RABGAP1: variants seen among roughly 807,000 people sequenced by gnomAD.
RABGAP1 encodes rab GTPase-activating protein 1.
A neutral mutation model predicts 137.6 loss-of-function variants in RABGAP1; 23 were observed. That is an observed-to-expected ratio of 0.17 (90% CI 0.12 to 0.24). The LOEUF (loss-of-function observed/expected upper bound fraction) is 0.24, where lower values mean the gene tolerates loss of function less well. Ranked by LOEUF, RABGAP1 falls within the 10% of genes least tolerant of loss-of-function variation. The probability of loss-of-function intolerance (pLI) is 1.00; values close to 1 mark genes in which losing one functional copy is unlikely to be tolerated. For synonymous variants in RABGAP1, 451 were observed against 450.7 expected (o/e 1.00, Z -0.01); for missense variants, 906 against 1,275.8 (o/e 0.71, Z 4.42).
chr9:123,056,929 C>A (rs2033727582), intron 13 of RABGAP1, among the ~76,000 whole-genome samples: 1 of 152,230 alleles, frequency 6.6e-6, no homozygotes, highest in African/African-American at 2.4e-5. Context: ...CCCACCTTTC[C>A]CCCTTTTCTA....
rs538919187 is a variant in RABGAP1, at chr9:122,984,669, T to C, written c.335T>C (p.Val112Ala). 1 of 1,614,176 alleles carries C rather than the reference T, an allele frequency of 6.2e-7. No individual in the cohort carries two copies. Among genetic ancestry groups the C allele is most frequent in the Admixed American group, 1.7e-5 (1 of 60,026 alleles). ...TCCACCATTAACCCTGTGCCATTAGTAGGGCTCCAAAAACCAGAGATGAGC... is the reference window on the plus strand; with the variant it reads ...TCCACCATTAACCCTGTGCCATTAGCAGGGCTCCAAAAACCAGAGATGAGC... ...ASSTINPVPL[V>A]GLQKPEMSLP... Residue 112 changes from valine (V) to alanine (A), a missense_variant, in exon 3 of 26, where the codon GTA becomes GCA. Transcript: ENST00000373647.
intron 13 of RABGAP1, chr9:123,034,591 C>A: frequency 6.2e-7 from 1 of 1,608,132 alleles, no homozygotes; most frequent in Non-Finnish European, 8.5e-7. Context: ...GGATGGTAAT[C>A]AGAGCAGCCA....
At chr9:123,074,192 T>A in intron 16 of RABGAP1, 93 bp from the exon 17 acceptor site, 1 of 1,465,566 alleles carries the variant, frequency 6.8e-7, no homozygotes, top group Non-Finnish European at 9.3e-7. Flanking sequence ...AGTATTTTAC[T>A]TTTTTGGCCT....
At chr9:123,051,049 A>G (rs2132059503) in intron 13 of RABGAP1, among the ~76,000 whole-genome samples, 1 of 151,794 alleles carries the variant, frequency 6.6e-6, no homozygotes, top group African/African-American at 2.4e-5. Context: ...ATCTAAAAAT[A>G]TATCTATCTG....
At chr9:122,989,026 A>G (rs759274205) in intron 4 of RABGAP1, among the ~76,000 whole-genome samples, 6 of 151,652 alleles carry the variant, frequency 4.0e-5, no homozygotes, top group Non-Finnish European at 7.4e-5. Flanking sequence ...TTTGTAGCAG[A>G]CTGTATAAGA....
Position 123,055,711 on chromosome 9 carries a change from G to T in RABGAP1, c.1795-9637G>T, listed in dbSNP as rs144459762. 4.7e-3 allele frequency among the ~76,000 whole-genome samples: 706 copies of T among 151,724 alleles called. 4 individuals carry two copies. Among genetic ancestry groups the T allele is most frequent in the Non-Finnish European group, 6.7e-3 (457 of 67,906 alleles). On this transcript the variant is annotated intron_variant, in intron 13 of 25. Coordinates refer to ENST00000373647, the MANE Select transcript of RABGAP1 (RefSeq NM_012197.4). Reference sequence around the variant, plus strand: ...ATTACAGGCTCCTGCCATCACGCCTGGCTAATTTTTGTATTTTTAGTAGAG... The same window carrying T: ...ATTACAGGCTCCTGCCATCACGCCTTGCTAATTTTTGTATTTTTAGTAGAG...
chr9:123,089,886 C>T (rs768264986), intron 20 of RABGAP1, 36 bp downstream of exon 20: 2 of 1,542,956 alleles, frequency 1.3e-6, no homozygotes, highest in South Asian at 2.3e-5. Context: ...GAGGAGCTCC[C>T]ATGCTTTCAT....
intron 2 of RABGAP1, among the ~76,000 whole-genome samples, chr9:122,980,769 C>T (rs552786184): frequency 6.6e-6 from 1 of 152,246 alleles, no homozygotes; most frequent in South Asian, 2.1e-4. Flanking sequence ...TGTATAAGTT[C>T]CTAGCCCAGT....
At chr9:123,041,205 C>T (rs1445806360) in intron 13 of RABGAP1, among the ~76,000 whole-genome samples, 1 of 152,084 alleles carries the variant, frequency 6.6e-6, no homozygotes, top group Admixed American at 6.5e-5. Context: ...GTTATTAACC[C>T]CATTATACAG....
intron 13 of RABGAP1, among the ~76,000 whole-genome samples, chr9:123,024,906 T>A (rs957948372): frequency 2.0e-5 from 3 of 152,232 alleles, no homozygotes; most frequent in Non-Finnish European, 4.4e-5. Flanking sequence ...TATAAATATA[T>A]TTTTTAATGA....
At chr9:123,072,812 A>G (rs771166368) in intron 15 of RABGAP1, among the ~76,000 whole-genome samples, 1 of 152,186 alleles carries the variant, frequency 6.6e-6, no homozygotes, top group Non-Finnish European at 1.5e-5. Flanking sequence ...GTTCCATAGA[A>G]GCCTGCCCAC....
chr9:122,996,558 A>G lies in RABGAP1; in HGVS notation c.1054A>G (p.Ser352Gly), dbSNP rs749802603. 3.7e-6 allele frequency: 6 copies of G among 1,608,910 alleles called. No homozygotes were observed. In the East Asian group the frequency reaches 1.3e-4, roughly 36 times the overall value. The change falls in exon 8 of 26, where the codon AGT (serine) becomes GGT (glycine). Residue 352 changes from serine (S) to glycine (G), a missense_variant. Ser to Gly is a moderately conservative substitution (Grantham distance 56). This residue lies in a region of RABGAP1 where 212 missense variants were observed against 289.4 expected (regional missense o/e 0.73). Transcript: ENST00000373647. ...TTGTAGGTGTTTTGGTCTTCTCCTT[A>G]GTCCAGGAAAAGATGTACGAAATAG... ...AIERCFGLLL[S>G]PGKDVRNSDM...
chr9:123,053,779 T>G (rs2033586151), intron 13 of RABGAP1, among the ~76,000 whole-genome samples: 1 of 152,220 alleles, frequency 6.6e-6, no homozygotes, highest in African/African-American at 2.4e-5. Flanking sequence ...GAAATAATAA[T>G]TTTCCCTATG....
intron 21 of RABGAP1, among the ~76,000 whole-genome samples, chr9:123,096,339 A>G (rs1418315396): frequency 6.7e-6 from 1 of 149,000 alleles, no homozygotes; most frequent in East Asian, 2.1e-4. Context: ...AACAGATGGA[A>G]AAAGATGTAC....
intron 1 of RABGAP1, among the ~76,000 whole-genome samples, chr9:122,955,765 GT>G (rs1834485175): frequency 6.6e-6 from 1 of 152,142 alleles, no homozygotes; most frequent in South Asian, 2.1e-4. Context: ...GGGGAAAATT[GT>G]GTTTGACACA....
chr9:122,966,455 G>A (rs1022540594), intron 2 of RABGAP1, among the ~76,000 whole-genome samples: 9 of 152,008 alleles, frequency 5.9e-5, no homozygotes, highest in African/African-American at 1.9e-4. Context: ...CCCGGGAGGC[G>A]GAGGTTGCAG....
At chr9:123,060,003 G>A (rs2033904864) in intron 13 of RABGAP1, among the ~76,000 whole-genome samples, 1 of 152,238 alleles carries the variant, frequency 6.6e-6, no homozygotes, top group African/African-American at 2.4e-5. Flanking sequence ...AGACTCTGCA[G>A]AAAGATCTCC....
chr9:122,959,935 C>T (rs1424143513), intron 2 of RABGAP1, among the ~76,000 whole-genome samples: 12 of 152,206 alleles, frequency 7.9e-5, no homozygotes, highest in African/African-American at 2.4e-5. Flanking sequence ...GTGTCATTGT[C>T]TCTACTTCCA....
intron 2 of RABGAP1, among the ~76,000 whole-genome samples, chr9:122,978,091 G>A (rs1363720854): frequency 1.3e-5 from 2 of 152,114 alleles, no homozygotes; most frequent in Non-Finnish European, 2.9e-5. Flanking sequence ...TTTAACAAAT[G>A]TAAAGTCTCA....
Sources: allele counts gnomAD v4.1 joint callset (sites outside exome capture counted in the v4.1 genomes callset), GRCh38; gene constraint gnomAD v4.1.1; regional missense constraint gnomAD v4.1.1; transcripts MANE v1.5; gene names NCBI Gene and HGNC (gene_info 2026-07-23, HGNC 2026-07-21).